The following SNCAIP variants were observed in gnomAD, a reference collection of about 807,000 sequenced individuals.
SNCAIP encodes synuclein alpha interacting protein, also known as synphilin-1.
Under a neutral mutation model 86.7 loss-of-function variants are expected in SNCAIP, and 43 were observed. The ratio of observed to expected loss-of-function variants is 0.50; its 90% CI spans 0.39 to 0.64. The LOEUF is 0.64. SNCAIP is among the 30% of genes least tolerant of loss of function. The pLI, the probability that SNCAIP is intolerant of heterozygous loss-of-function variation, is 0.00. For missense variants in SNCAIP, 981 were observed against 1,103.1 expected, an observed-to-expected ratio of 0.89 and a Z score of 1.57; for synonymous variants, 417 against 427.2, an observed-to-expected ratio of 0.98 and a Z score of 0.29.
chr5:122,374,772 A>G (rs924302381), intron 1 of SNCAIP, among the ~76,000 whole-genome samples: 1 of 152,174 alleles, frequency 6.6e-6, no homozygotes, highest in Admixed American at 6.6e-5. Context: ...CTCAAATAAT[A>G]TATTATTTAC....
At chr5:122,412,555 CA>C (rs1774360369) in intron 3 of SNCAIP, among the ~76,000 whole-genome samples, 1 of 152,156 alleles carries the variant, frequency 6.6e-6, no homozygotes, top group Admixed American at 6.5e-5. Context: ...TCCTCCTTCC[CA>C]ATTTGACCTT....
chr5:122,358,442 G>A (rs1005634929), intron 1 of SNCAIP, among the ~76,000 whole-genome samples: 1 of 143,908 alleles, frequency 6.9e-6, no homozygotes, highest in Non-Finnish European at 1.5e-5. Context: ...CCTTGAGTTT[G>A]CCATTGTTCA....
At chr5:122,432,935 C>T (rs1415023244) in intron 6 of SNCAIP, among the ~76,000 whole-genome samples, 1 of 152,102 alleles carries the variant, frequency 6.6e-6, no homozygotes, top group Non-Finnish European at 1.5e-5. Flanking sequence ...ACTGTATTCT[C>T]TCTGGCTTCA....
intron 8 of SNCAIP, among the ~76,000 whole-genome samples, chr5:122,448,604 T>TATATATATTTTTATATATATA (rs1561796137): frequency 1.4e-5 from 2 of 140,732 alleles, no homozygotes; most frequent in African/African-American, 2.7e-5. Context: ...TTATATATAT[T>TATATATATTTTTATATATATA]ATATATATTT....
intron 1 of SNCAIP, among the ~76,000 whole-genome samples, chr5:122,364,917 A>T (rs971053352): frequency 6.6e-6 from 1 of 152,218 alleles, no homozygotes; most frequent in Non-Finnish European, 1.5e-5. Context: ...CTAAATTTTT[A>T]AAATATACTG....
rs186097199 is a variant in SNCAIP at position 122,343,646 on chromosome 5, G to A, written c.-47+31362G>A. Among the ~76,000 whole-genome samples, 461 of 152,254 alleles carry A rather than the reference G, an allele frequency of 3.0e-3. 4 individuals carry two copies. The highest frequency in any genetic ancestry group is 0.01 in the African/African-American group (426 of 41,540). ...GAAAAGCCGGTTATATACCTCAATC[G>A]CTATGGCAGGGTTTCTTGACCTCGG... On this transcript the variant is annotated intron_variant, in intron 1 of 10. Transcript: ENST00000261368.
intron 6 of SNCAIP, among the ~76,000 whole-genome samples, chr5:122,435,272 C>T (rs1418587883): frequency 6.6e-6 from 1 of 152,184 alleles, no homozygotes; most frequent in Non-Finnish European, 1.5e-5. Flanking sequence ...GATAGGCCTG[C>T]TTTGCTGGCC....
intron 1 of SNCAIP, among the ~76,000 whole-genome samples, chr5:122,374,550 A>G (rs553343189): frequency 6.6e-6 from 1 of 152,288 alleles, no homozygotes; most frequent in Admixed American, 6.5e-5. Flanking sequence ...TAGAGTTTTC[A>G]TAGCGCTCAT....
rs991217238 is a variant in SNCAIP at position 122,408,136 on chromosome 5, G to A, written c.130+4271G>A. Among the ~76,000 whole-genome samples the A allele has an allele frequency of 4.6e-5, 7 of 152,174 alleles. No homozygotes were observed. In the South Asian group the frequency reaches 1.0e-3, roughly 23 times the overall value. ...TTCTTTTCACTCTCCTGTGGATACA[G>A]TACAGTTACCAGCATCCCTCTTAAA... On this transcript the variant is annotated intron_variant, in intron 3 of 10. Coordinates refer to ENST00000261368, the MANE Select transcript of SNCAIP (RefSeq NM_005460.4).
At chr5:122,376,970 A>G (rs530021727) in intron 1 of SNCAIP, among the ~76,000 whole-genome samples, 64 of 152,214 alleles carry the variant, frequency 4.2e-4, no homozygotes, top group Middle Eastern at 3.4e-3. Flanking sequence ...GAGGACTTCT[A>G]TTTGAACAAT....
chr5:122,452,354 T>C (rs1376204578), intron 10 of SNCAIP, among the ~76,000 whole-genome samples: 1 of 152,210 alleles, frequency 6.6e-6, no homozygotes, highest in Admixed American at 6.5e-5. Flanking sequence ...TAAAAAATGG[T>C]ATAGCAGCCA....
At chr5:122,450,508 C>T (rs1323364281) in intron 9 of SNCAIP, 25 bp from the exon 10 acceptor site, 1 of 1,532,084 alleles carries the variant, frequency 6.5e-7, no homozygotes, top group Admixed American at 1.7e-5. Flanking sequence ...GAAATCATCT[C>T]ATATGTCCTT....
chr5:122,448,640 TTATA>T (rs897928984), intron 8 of SNCAIP, among the ~76,000 whole-genome samples: 15 of 136,560 alleles, frequency 1.1e-4, no homozygotes, highest in Non-Finnish European at 2.0e-4. Flanking sequence ...ATATTATATG[TTATA>T]TATATTTTTA....
chr5:122,342,726 C>T (rs1397793895), intron 1 of SNCAIP, among the ~76,000 whole-genome samples: 2 of 152,148 alleles, frequency 1.3e-5, no homozygotes, highest in African/African-American at 4.8e-5. Flanking sequence ...TAAACACAGC[C>T]CTGTGTCCCC....
chr5:122,367,793 C>T (rs1763477635), intron 1 of SNCAIP, among the ~76,000 whole-genome samples: 3 of 152,130 alleles, frequency 2.0e-5, no homozygotes, highest in African/African-American at 7.2e-5. Context: ...AGTTGTATAG[C>T]ACTCTGCATC....
chr5:122,425,317 T>C (rs1777140711), intron 4 of SNCAIP, 35 bp from the exon 5 acceptor site: 2 of 1,557,796 alleles, frequency 1.3e-6, no homozygotes, highest in South Asian at 2.2e-5. Context: ...CTCTGATTTA[T>C]TGACTTGGGT....
At chr5:122,448,603 TTATA>T (rs1366759564) in intron 8 of SNCAIP, among the ~76,000 whole-genome samples, 2 of 138,526 alleles carry the variant, frequency 1.4e-5, no homozygotes, top group African/African-American at 5.4e-5. Context: ...TTTATATATA[TTATA>T]TATATTTTTA....
At chr5:122,457,777 A>G (rs1162171909) in intron 10 of SNCAIP, among the ~76,000 whole-genome samples, 2 of 152,312 alleles carry the variant, frequency 1.3e-5, no homozygotes, top group East Asian at 3.9e-4. Flanking sequence ...CTAAACTTGA[A>G]CTATTTCTTC....
intron 8 of SNCAIP, among the ~76,000 whole-genome samples, chr5:122,447,957 G>A (rs982128689): frequency 6.6e-6 from 1 of 152,226 alleles, no homozygotes; most frequent in East Asian, 1.9e-4. Context: ...CTGGAAGAAT[G>A]AGTGAGATAA....
Sources: gnomAD v4.1 joint callset for allele counts (sites outside exome capture counted in the v4.1 genomes callset) on GRCh38, gnomAD v4.1.1 for gene constraint, MANE v1.5 for transcripts, NCBI Gene and HGNC (gene_info 2026-07-23, HGNC 2026-07-21) for gene names.